SMOC2: variants seen among roughly 807,000 people sequenced by gnomAD.
The protein encoded by SMOC2 is SPARC related modular calcium binding 2, also known as SPARC-related modular calcium-binding protein 2.
In SMOC2, 39 loss-of-function variants were observed where a neutral mutation model predicts 61.4. The ratio of observed to expected loss-of-function variants is 0.64; its 90% CI spans 0.49 to 0.83. The LOEUF is 0.83. Ranked by LOEUF, SMOC2 falls within the 40% of genes least tolerant of loss-of-function variation. The probability of loss-of-function intolerance (pLI) is 0.00; values close to 1 mark genes in which losing one functional copy is unlikely to be tolerated. For synonymous variants in SMOC2, 247 were observed against 239.9 expected (o/e 1.03, Z -0.27); for missense variants, 556 against 592.9 (o/e 0.94, Z 0.65).
At chr6:168,602,878 G>A (rs1460284896) in intron 8 of SMOC2, among the ~76,000 whole-genome samples, 1 of 152,188 alleles carries the variant, frequency 6.6e-6, no homozygotes, top group Non-Finnish European at 1.5e-5. Flanking sequence ...GTTGTTTCAG[G>A]CAGAGGGCAG....
At chr6:168,623,789 A>C (rs1056595273) in intron 9 of SMOC2, among the ~76,000 whole-genome samples, 9 of 152,084 alleles carry the variant, frequency 5.9e-5, no homozygotes, top group East Asian at 1.9e-4. Context: ...CTATCCCCCC[A>C]AAAAAATCAC....
chr6:168,555,910 A>T (rs529422421), intron 7 of SMOC2, among the ~76,000 whole-genome samples: 2 of 152,140 alleles, frequency 1.3e-5, no homozygotes, highest in South Asian at 4.1e-4. Flanking sequence ...CCTTACCAGC[A>T]GGGTGGGCGG....
At chr6:168,522,814 C>T (rs879346544) in intron 2 of SMOC2, among the ~76,000 whole-genome samples, 1 of 152,114 alleles carries the variant, frequency 6.6e-6, no homozygotes, top group African/African-American at 2.4e-5. Flanking sequence ...CAGAAGGATA[C>T]CTCGTGTGTG....
intron 1 of SMOC2, among the ~76,000 whole-genome samples, chr6:168,466,698 C>T (rs1257052946): frequency 6.6e-6 from 1 of 152,240 alleles, no homozygotes; most frequent in African/African-American, 2.4e-5. Flanking sequence ...TTCTTCAAAA[C>T]CCCAGCTCCA....
At chr6:168,624,456 A>C (rs1786330331) in intron 9 of SMOC2, among the ~76,000 whole-genome samples, 1 of 152,246 alleles carries the variant, frequency 6.6e-6, no homozygotes, top group African/African-American at 2.4e-5. Flanking sequence ...AGGAACTAGA[A>C]GAGAATTGTT....
intron 4 of SMOC2, among the ~76,000 whole-genome samples, chr6:168,542,971 C>T (rs535893882): frequency 7.9e-5 from 12 of 152,172 alleles, no homozygotes; most frequent in Non-Finnish European, 1.6e-4. Flanking sequence ...GAATATTCAA[C>T]TGCCAGTAAA....
At chr6:168,661,661 CT>C (rs1457731075) in intron 11 of SMOC2, among the ~76,000 whole-genome samples, 1 of 152,108 alleles carries the variant, frequency 6.6e-6, no homozygotes, top group African/African-American at 2.4e-5. Context: ...ACAGCTACTT[CT>C]TTTTATAACT....
Position 168,590,968 on chromosome 6 carries a change from G to T in SMOC2, c.638-7850G>T, listed in dbSNP as rs190574419. On this transcript the variant is annotated intron_variant, in intron 7 of 12. Transcript: ENST00000356284. Reference sequence around the variant, plus strand: ...CAAATTAAAAAAAAGTTGTTACATGGTTATAAAACTTAAAATTTATAGAAG... The same window carrying T: ...CAAATTAAAAAAAAGTTGTTACATGTTTATAAAACTTAAAATTTATAGAAG... Among the ~76,000 whole-genome samples the T allele has an allele frequency of 4.6e-5, 7 of 152,164 alleles. No individual in the cohort carries two copies. In the South Asian group the frequency reaches 8.3e-4, roughly 18 times the overall value.
intron 1 of SMOC2, among the ~76,000 whole-genome samples, chr6:168,471,959 G>T (rs1189415755): frequency 1.3e-5 from 2 of 152,178 alleles, no homozygotes; most frequent in Non-Finnish European, 2.9e-5. Flanking sequence ...TGCTTTTTCA[G>T]ATACATGATT....
intron 2 of SMOC2, among the ~76,000 whole-genome samples, chr6:168,516,881 G>A (rs1244888116): frequency 6.6e-6 from 1 of 152,212 alleles, no homozygotes. Context: ...TTGAACCCGG[G>A]AGGTGGAGGT....
Position 168,453,017 on chromosome 6 carries a change from G to T in SMOC2, c.84+11563G>T, listed in dbSNP as rs1217512052. The stretch of plus-strand genomic sequence containing the variant: ...CAGTGGCTCTGACAGCAGGGCCGGG[G>T]GCATAGTTCCCTGGAAGTCGGTCTT... On this transcript the variant is annotated intron_variant, in intron 1 of 12. Coordinates refer to ENST00000356284, the MANE Select transcript of SMOC2 (RefSeq NM_001166412.2). This position sits in a 1 kb window ranked among gnomAD's most constrained non-coding sequence, Gnocchi z 4.4. Among the ~76,000 whole-genome samples, 1 of 152,226 alleles carries T rather than the reference G, an allele frequency of 6.6e-6. No individual in the cohort carries two copies. The highest frequency in any genetic ancestry group is 1.9e-4 in the East Asian group (1 of 5,194).
intron 1 of SMOC2, among the ~76,000 whole-genome samples, chr6:168,501,358 A>G (rs1782723405): frequency 6.6e-6 from 1 of 152,192 alleles, no homozygotes; most frequent in Admixed American, 6.5e-5. Flanking sequence ...ATGTTTTGGA[A>G]AAGGAGAAGA....
chr6:168,578,824 G>A (rs927926358), intron 7 of SMOC2, among the ~76,000 whole-genome samples: 3 of 152,190 alleles, frequency 2.0e-5, no homozygotes, highest in Non-Finnish European at 4.4e-5. Context: ...ACAGTCCAGG[G>A]CTTGCGGTAT....
intron 4 of SMOC2, among the ~76,000 whole-genome samples, chr6:168,531,306 G>A (rs1783596065): frequency 6.6e-6 from 1 of 152,174 alleles, no homozygotes; most frequent in Admixed American, 6.5e-5. Flanking sequence ...AATTCATTAC[G>A]TGTACATTTA....
chr6:168,521,440 T>C (rs927410763), intron 2 of SMOC2, among the ~76,000 whole-genome samples: 1 of 152,208 alleles, frequency 6.6e-6, no homozygotes, highest in African/African-American at 2.4e-5. Flanking sequence ...TGAGCCACTG[T>C]GCCAGGTCTC....
chr6:168,562,984 G>T (rs1359520623), intron 7 of SMOC2, among the ~76,000 whole-genome samples: 1 of 152,226 alleles, frequency 6.6e-6, no homozygotes, highest in Non-Finnish European at 1.5e-5. Flanking sequence ...AGTCACGTAG[G>T]CATGCTCCCC....
intron 1 of SMOC2, among the ~76,000 whole-genome samples, chr6:168,477,843 A>T (rs778725867): frequency 6.6e-6 from 1 of 152,184 alleles, no homozygotes; most frequent in Non-Finnish European, 1.5e-5. Flanking sequence ...AGTAAAGTAC[A>T]ATTCTGCAGC....
intron 7 of SMOC2, among the ~76,000 whole-genome samples, chr6:168,590,595 C>G (rs1305412277): frequency 6.6e-6 from 1 of 152,110 alleles, no homozygotes; most frequent in Non-Finnish European, 1.5e-5. Context: ...GTGAGCTTGC[C>G]AAAAAACTTA....
rs1162825579 is a variant in SMOC2 at position 168,441,394 on chromosome 6, G to C, written c.24G>C (p.Trp8Cys). Residue 8 changes from tryptophan (W) to cysteine (C), a missense_variant, in exon 1 of 13, where the codon TGG becomes TGC. Transcript: ENST00000356284. ...CCATGCTGCTCCCCCAGCTCTGCTGGCTGCCGCTGCTCGCTGGGCTGCTCC... is the reference window on the plus strand; with the variant it reads ...CCATGCTGCTCCCCCAGCTCTGCTGCCTGCCGCTGCTCGCTGGGCTGCTCC... MLLPQLC[W>C]LPLLAGLLPP... 6.6e-7 allele frequency: 1 copy of C among 1,508,800 alleles called. No individual in the cohort carries two copies. The highest frequency in any genetic ancestry group is 2.8e-5 in the East Asian group (1 of 36,042). The allele number at this position is 1,508,800 out of a possible 1,614,324, so 93.5% of individuals were successfully genotyped here. A position where few individuals can be genotyped will look rare whatever the true frequency, so the allele number is the denominator to read the frequency against.
Sources: allele counts gnomAD v4.1 joint callset (sites outside exome capture counted in the v4.1 genomes callset), GRCh38; gene constraint gnomAD v4.1.1; non-coding constraint Gnocchi (gnomAD v3.1); transcripts MANE v1.5; gene names NCBI Gene and HGNC (gene_info 2026-07-23, HGNC 2026-07-21).